COL5A2: variants seen among roughly 807,000 people sequenced by gnomAD.
The protein encoded by COL5A2 is collagen type V alpha 2 chain.
Under a neutral mutation model 208.2 loss-of-function variants are expected in COL5A2, and 23 were observed. That is an observed-to-expected ratio of 0.11 (90% CI 0.08 to 0.16). The LOEUF (loss-of-function observed/expected upper bound fraction) is 0.16. COL5A2 is among the 10% of genes least tolerant of loss of function. The pLI is 1.00. For missense variants in COL5A2, 1,590 were observed against 1,956.4 expected, an observed-to-expected ratio of 0.81 and a Z score of 3.53; for synonymous variants, 625 against 628.5, an observed-to-expected ratio of 0.99 and a Z score of 0.08.
upstream of COL5A2, among the ~76,000 whole-genome samples, chr2:189,229,079 G>A (rs891073296): frequency 6.6e-6 from 1 of 151,724 alleles, no homozygotes; most frequent in Non-Finnish European, 1.5e-5. Flanking sequence ...AGAAAGACAT[G>A]TACAAAAAGT....
the COL5A2 span, among the ~76,000 whole-genome samples, chr2:189,310,475 G>A: frequency 9.9e-5 from 15 of 152,202 alleles, no homozygotes; most frequent in Admixed American, 2.6e-4. Context: ...CTATTGGTGG[G>A]AATGTAAATT....
At chr2:189,399,751 G>A in the COL5A2 span, among the ~76,000 whole-genome samples, 1 of 152,094 alleles carries the variant, frequency 6.6e-6, no homozygotes, top group Non-Finnish European at 1.5e-5. Context: ...CCAGGCTGGA[G>A]TGCAGCAGTG....
rs958965205 is a variant in COL5A2, at chr2:189,055,949, T to G, written c.2391+1024A>C. Among the ~76,000 whole-genome samples, 3 of 152,234 alleles carry G rather than the reference T, an allele frequency of 2.0e-5. No homozygotes were observed. The East Asian group carries it at 5.8e-4, about 29-fold the overall frequency. ...AATATTAAAAATATGCCAGATTTAC[T>G]TGACTATTTTTGAAATATTAAATTA... On this transcript the variant is annotated intron_variant, in intron 35 of 53. Transcript: ENST00000374866.
chr2:189,282,207 T>A, the COL5A2 span, among the ~76,000 whole-genome samples: 1 of 151,798 alleles, frequency 6.6e-6, no homozygotes, highest in African/African-American at 2.4e-5. Flanking sequence ...TAAATATATA[T>A]ATATATCCAT....
At chr2:189,166,050 A>ATT (rs35190700) in intron 1 of COL5A2, among the ~76,000 whole-genome samples, 1 of 151,958 alleles carries the variant, frequency 6.6e-6, no homozygotes, top group Non-Finnish European at 1.5e-5. Flanking sequence ...ACTTTTCCAA[A>ATT]TTTTTTGAAA....
intron 21 of COL5A2, among the ~76,000 whole-genome samples, 200 bp downstream of exon 21, chr2:189,067,815 A>C (rs1271665057): frequency 6.6e-6 from 1 of 152,206 alleles, no homozygotes; most frequent in Non-Finnish European, 1.5e-5. Flanking sequence ...AATTTAACAT[A>C]CTGCAATAAT....
the COL5A2 span, among the ~76,000 whole-genome samples, chr2:189,345,434 T>C: frequency 6.6e-6 from 1 of 152,012 alleles, no homozygotes; most frequent in African/African-American, 2.4e-5. Flanking sequence ...TGGGCTAAAA[T>C]AGGATCATGT....
the COL5A2 span, among the ~76,000 whole-genome samples, chr2:189,260,411 T>C: frequency 1.3e-5 from 2 of 152,108 alleles, no homozygotes; most frequent in Non-Finnish European, 1.5e-5. Context: ...GGGAGGATAA[T>C]TAGTAAAGTC....
At chr2:189,066,632 A>C in intron 22 of COL5A2, 97 bp downstream of exon 22, 2 of 1,339,382 alleles carry the variant, frequency 1.5e-6, no homozygotes, top group Non-Finnish European at 2.2e-6. Flanking sequence ...TCAAGCTATT[A>C]TAATTCTCAT....
chr2:189,288,679 C>T, the COL5A2 span, among the ~76,000 whole-genome samples: 1 of 151,966 alleles, frequency 6.6e-6, no homozygotes, highest in Admixed American at 6.6e-5. Context: ...CTAAAAAAAA[C>T]TGGACAAAAA....
chr2:189,282,827 T>C, the COL5A2 span, among the ~76,000 whole-genome samples: 5 of 152,274 alleles, frequency 3.3e-5, no homozygotes, highest in Admixed American at 3.3e-4. Context: ...CAAACTAAAT[T>C]GCTAGGTTCA....
intron 1 of COL5A2, among the ~76,000 whole-genome samples, chr2:189,122,014 C>T (rs1333229506): frequency 2.0e-5 from 3 of 152,142 alleles, no homozygotes; most frequent in Non-Finnish European, 2.9e-5. Flanking sequence ...AGTCTACTTA[C>T]TGTATGCCTG....
chr2:189,433,785 C>T, the COL5A2 span, among the ~76,000 whole-genome samples: 1 of 152,198 alleles, frequency 6.6e-6, no homozygotes, highest in Non-Finnish European at 1.5e-5. Context: ...CCTTCTGAAA[C>T]TATTCCCATC....
chr2:189,239,631 AG>A, the COL5A2 span, among the ~76,000 whole-genome samples: 5 of 61,892 alleles, frequency 8.1e-5, no homozygotes, highest in Non-Finnish European at 1.1e-4. Context: ...GGGTGGGGGG[AG>A]GGGGGAGGGA....
chr2:189,308,574 C>T, the COL5A2 span, among the ~76,000 whole-genome samples: 2 of 152,110 alleles, frequency 1.3e-5, no homozygotes, highest in African/African-American at 4.8e-5. Flanking sequence ...AGTCTGGCAC[C>T]TTTTTAGGTC....
chr2:189,096,885 A>C (rs1424512993), intron 6 of COL5A2, among the ~76,000 whole-genome samples: 2 of 152,146 alleles, frequency 1.3e-5, no homozygotes, highest in Non-Finnish European at 2.9e-5. Flanking sequence ...CCTGGGAAAT[A>C]AACTTGTTGT....
chr2:189,183,892 C>A (rs1048787574), upstream of COL5A2, among the ~76,000 whole-genome samples: 1 of 152,102 alleles, frequency 6.6e-6, no homozygotes, highest in African/African-American at 2.4e-5. Flanking sequence ...AGTTTCACAC[C>A]TCATAATTTT....
chr2:189,149,312 T>G (rs1053353006), intron 1 of COL5A2, among the ~76,000 whole-genome samples: 1 of 152,186 alleles, frequency 6.6e-6, no homozygotes, highest in African/African-American at 2.4e-5. Context: ...TTCTATAAAC[T>G]TCAAACAAAA....
chr2:189,161,637 A>G (rs1188657480), intron 1 of COL5A2, among the ~76,000 whole-genome samples: 1 of 152,256 alleles, frequency 6.6e-6, no homozygotes, highest in Non-Finnish European at 1.5e-5. Flanking sequence ...ATTTTGAAAC[A>G]TGAAGAAAAT....
Sources: gnomAD v4.1 joint callset for allele counts (sites outside exome capture counted in the v4.1 genomes callset) on GRCh38, gnomAD v4.1.1 for gene constraint, MANE v1.5 for transcripts, NCBI Gene and HGNC (gene_info 2026-07-23, HGNC 2026-07-21) for gene names.